The following LTBR variants were observed in gnomAD, a reference collection of about 807,000 sequenced individuals.
LTBR encodes tumor necrosis factor receptor superfamily member 3.
Under a neutral mutation model 45.4 loss-of-function variants are expected in LTBR, and 15 were observed. The ratio of observed to expected loss-of-function variants is 0.33; its 90% CI spans 0.22 to 0.51. The LOEUF (loss-of-function observed/expected upper bound fraction) is 0.51. Among genes scored for constraint, LTBR ranks in the 20% least tolerant of loss-of-function variants. The pLI is 0.97. For missense variants in LTBR, 450 were observed against 565.5 expected, an observed-to-expected ratio of 0.80 and a Z score of 2.07; for synonymous variants, 228 against 231.0, an observed-to-expected ratio of 0.99 and a Z score of 0.12.
At chr12:6,379,321 C>G (rs1380911899), upstream of LTBR, among the ~76,000 whole-genome samples, 3 of 152,186 alleles carry the variant, frequency 2.0e-5, no homozygotes, top group Non-Finnish European at 4.4e-5. Flanking sequence ...GAAAAAGCAT[C>G]TGCAAAACTT....
At chr12:6,384,145 C>A, upstream of LTBR, 1 of 1,274,240 alleles carries the variant, frequency 7.8e-7, no homozygotes, top group Non-Finnish European at 9.9e-7. Context: ...GTCCCCGCCC[C>A]GCGGCCAGCT....
rs750258329 is a variant in LTBR, at chr12:6,386,467, C to A, written c.667+23C>A. The A allele has an allele frequency of 7.1e-7, 1 of 1,410,308 alleles. No homozygotes were observed. The allele number at this position is 1,410,308 out of a possible 1,614,324, so 87.4% of individuals were successfully genotyped here. On this transcript the variant is annotated intron_variant, in intron 6 of 9. Transcript: ENST00000228918. This position sits in a 1 kb window ranked among gnomAD's most constrained non-coding sequence, Gnocchi z 4.1. ...CAGGTGAGGGACCAGGGCTGAGGGA[C>A]ACGGGGGGGGCGCCTCTGAAAATGC...
chr12:6,385,448 G>T, intron 4 of LTBR, 69 bp downstream of exon 4: 2 of 1,581,220 alleles, frequency 1.3e-6, no homozygotes, highest in Non-Finnish European at 1.7e-6. Flanking sequence ...TGGGAGCAGG[G>T]AATATGGTAC....
At chr12:6,375,247 C>G, upstream of LTBR, 1 of 1,438,508 alleles carries the variant, frequency 7.0e-7, no homozygotes. Flanking sequence ...CTCCTGCTCT[C>G]CTCTTTCTGG....
Position 6,386,234 on chromosome 12 carries a change from T to C in LTBR, c.569+72T>C, listed in dbSNP as rs1949045874. On this transcript the variant is annotated intron_variant, in intron 5 of 9. Transcript: ENST00000228918. The surrounding 1 kb of genome is among the most constrained non-coding windows in gnomAD (Gnocchi z 4.1). The stretch of plus-strand genomic sequence containing the variant: ...AGCTGCTAACAACCCCCAGCGCCTA[T>C]CCTTGACACCACGGACTCGACTCAC... The C allele has an allele frequency of 6.7e-7, 1 of 1,495,772 alleles. No homozygotes were observed. The highest frequency in any genetic ancestry group is 9.3e-7 in the Non-Finnish European group (1 of 1,074,494). The allele number at this position is 1,495,772 out of a possible 1,614,324, so 92.7% of individuals were successfully genotyped here.
chr12:6,388,747 G>C lies in LTBR; in HGVS notation c.776-53G>C, dbSNP rs1267271685. On this transcript the variant is annotated intron_variant, in intron 7 of 9. Coordinates refer to ENST00000228918, the MANE Select transcript of LTBR (RefSeq NM_002342.3). The surrounding 1 kb of genome is among the most constrained non-coding windows in gnomAD (Gnocchi z 4.3). ...TGTGCTGGGATGTGGAGGCTGAAAG[G>C]CTAGGTCTGAGGCCTGCCGGGGAGC... is the stretch of plus-strand genomic sequence containing the variant. 6.2e-7 allele frequency: 1 copy of C among 1,612,138 alleles called. No individual in the cohort carries two copies. Among genetic ancestry groups the C allele is most frequent in the African/African-American group, 1.3e-5 (1 of 74,840 alleles).
Position 6,388,585 on chromosome 12 carries a change from C to T in LTBR, c.775+80C>T, listed in dbSNP as rs1949075697. 1 of 1,283,746 alleles carries T rather than the reference C, an allele frequency of 7.8e-7. No individual in the cohort carries two copies. Among genetic ancestry groups the T allele is most frequent in the East Asian group, 2.3e-5 (1 of 42,764 alleles). The allele number at this position is 1,283,746 out of a possible 1,614,324, so 79.5% of individuals were successfully genotyped here. A position where few individuals can be genotyped will look rare whatever the true frequency, so the allele number is the denominator to read the frequency against. The stretch of plus-strand genomic sequence containing the variant: ...TATTCAACTTCCCCGGTGCAACCCT[C>T]CACACCCTCAAGACTCCCAATGCCT... On this transcript the variant is annotated intron_variant, in intron 7 of 9. Coordinates refer to ENST00000228918, the MANE Select transcript of LTBR (RefSeq NM_002342.3). This position sits in a 1 kb window ranked among gnomAD's most constrained non-coding sequence, Gnocchi z 4.3.
chr12:6,385,089 C>T lies in LTBR; in HGVS notation c.261C>T (p.Ser87=), dbSNP rs1350214190. 1.9e-6 allele frequency: 3 copies of T among 1,614,214 alleles called. No homozygotes were observed. The highest frequency in any genetic ancestry group is 1.7e-5 in the Admixed American group (1 of 60,030). ...TTTGTGCCACATGTGCCGAGAATTC[C>T]TACAACGAGCACTGGAACTACCTGA... The part of the protein sequence containing the change: ...DTVCATCAEN[S]YNEHWNYLTI... The change falls in exon 3 of 10, where the codon TCC becomes TCT. Residue 87 remains serine, a synonymous_variant. Transcript: ENST00000228918.
chr12:6,385,177 G>A (rs1565493696), intron 3 of LTBR, 30 bp downstream of exon 3: 15 of 1,614,200 alleles, frequency 9.3e-6, no homozygotes, highest in Non-Finnish European at 1.1e-5. Context: ...CGGGGGGGCT[G>A]GATCCCCTGG....
chr12:6,382,089 C>T (rs559286171), upstream of LTBR, among the ~76,000 whole-genome samples: 22 of 59,730 alleles, frequency 3.7e-4, no homozygotes, highest in South Asian at 4.0e-3. Flanking sequence ...GTGTACCTTA[C>T]GGTTTCATTG....
chr12:6,378,767 G>A (rs1331645653), intron 1 of LTBR, among the ~76,000 whole-genome samples: 1 of 152,124 alleles, frequency 6.6e-6, no homozygotes, highest in African/African-American at 2.4e-5. Context: ...TGTTCTATAA[G>A]AAGTCAAGAG....
rs1949109584 is a variant in LTBR, at chr12:6,391,139, C to A, written c.*202C>A. 4.1e-6 allele frequency: 2 copies of A among 483,704 alleles called. No homozygotes were observed. The highest frequency in any genetic ancestry group is 6.8e-6 in the Non-Finnish European group (2 of 292,744). 30.0% of individuals were successfully genotyped at this position (483,704 alleles called of 1,614,324 possible). A position where few individuals can be genotyped will look rare whatever the true frequency, so the allele number is the denominator to read the frequency against. ...CACAGGACTCTCCCTACTGCCTGAG[C>A]AAACCTGAGGCCTCCCGGCAGACCC... On this transcript the variant is annotated 3_prime_UTR_variant, in exon 10 of 10. Transcript: ENST00000228918.
At position 6,386,042 on chromosome 12, in the gene LTBR, G is replaced by A; in HGVS notation, c.473-24G>A. On this transcript the variant is annotated intron_variant, in intron 4 of 9. Coordinates refer to ENST00000228918, the MANE Select transcript of LTBR (RefSeq NM_002342.3). This position sits in a 1 kb window ranked among gnomAD's most constrained non-coding sequence, Gnocchi z 4.1. ...CCCTCCCTTTTGCCCATTCACCCTG[G>A]CTGGCCTGCCTTTCTCTTGCCAGAT... The A allele has an allele frequency of 6.3e-7, 1 of 1,577,008 alleles. No individual in the cohort carries two copies. The highest frequency in any genetic ancestry group is 8.7e-7 in the Non-Finnish European group (1 of 1,146,512).
chr12:6,375,250 C>A (rs1464182089), upstream of LTBR: 15 of 1,438,576 alleles, frequency 1.0e-5, no homozygotes, highest in Non-Finnish European at 1.4e-5. Context: ...CTGCTCTCCT[C>A]TTTCTGGCCT....
chr12:6,386,346 G>A lies in LTBR; in HGVS notation c.570-1G>A. 1 of 1,613,290 alleles carries A rather than the reference G, an allele frequency of 6.2e-7. No homozygotes were observed. On this transcript the variant is annotated splice_acceptor_variant, in intron 5 of 9. Transcript: ENST00000228918. LOFTEE classifies it high-confidence loss of function. The surrounding 1 kb of genome is among the most constrained non-coding windows in gnomAD (Gnocchi z 4.1). ...GGTCATCATCTTTTTTTCCTCTGCA[G>A]GTGTGAGAACCAAGGTCTGGTGGAG...
In LTBR at chr12:6,388,391, C is replaced by T; in HGVS notation, c.668-7C>T. ...TGTGATCACCCTCCTGTCTGCTGTC[C>T]TGGCAGGAACCATGCTGATGCTGGC... On this transcript the variant is annotated splice_region_variant and splice_polypyrimidine_tract_variant and intron_variant, in intron 6 of 9. Coordinates refer to ENST00000228918, the MANE Select transcript of LTBR (RefSeq NM_002342.3). This position sits in a 1 kb window ranked among gnomAD's most constrained non-coding sequence, Gnocchi z 4.3. 2 of 1,609,688 alleles carry T rather than the reference C, an allele frequency of 1.2e-6. No individual in the cohort carries two copies. Among genetic ancestry groups the T allele is most frequent in the Non-Finnish European group, 1.7e-6 (2 of 1,176,556 alleles).
chr12:6,387,880 T>C (rs1949067008), intron 6 of LTBR: 1 of 455,312 alleles, frequency 2.2e-6, no homozygotes, highest in Admixed American at 2.4e-5. Context: ...CAAGTTTCCC[T>C]ACTCTCTCAC....
upstream of LTBR, chr12:6,375,290 C>A: frequency 1.4e-6 from 2 of 1,438,842 alleles, no homozygotes; most frequent in Non-Finnish European, 1.8e-6. Flanking sequence ...GCCTCTCTTC[C>A]TCTCCCCCCC....
intron 1 of LTBR, chr12:6,377,364 A>T: frequency 9.4e-7 from 1 of 1,063,472 alleles, no homozygotes; most frequent in Non-Finnish European, 1.4e-6. Context: ...GAGGTTAGAA[A>T]ACAAAATAGG....
Sources: gnomAD v4.1 joint callset for allele counts (sites outside exome capture counted in the v4.1 genomes callset) on GRCh38, gnomAD v4.1.1 for gene constraint, Gnocchi (gnomAD v3.1) non-coding constraint, MANE v1.5 for transcripts, NCBI Gene and HGNC (gene_info 2026-07-23, HGNC 2026-07-21) for gene names.